Variants in NARS2 observed in about 807,000 individuals in gnomAD.
NARS2 encodes the protein asparaginyl-tRNA synthetase 2, mitochondrial.
Under a neutral mutation model 62.9 loss-of-function variants are expected in NARS2, and 60 were observed. The observed-to-expected ratio is 0.95, with a 90% CI of 0.77 to 1.18. The LOEUF is 1.18. Ranked by LOEUF, NARS2 falls within the 50% of genes most tolerant of loss-of-function variation. NARS2 has a pLI of 0.00. For missense variants in NARS2, 619 were observed against 576.4 expected (o/e 1.07, Z -0.76); for synonymous variants, 196 against 200.0 (o/e 0.98, Z 0.17).
At chr11:78,540,496 C>CAGTTT (rs1855570272) in intron 5 of NARS2, among the ~76,000 whole-genome samples, 1 of 152,088 alleles carries the variant, frequency 6.6e-6, no homozygotes, top group African/African-American at 2.4e-5. Flanking sequence ...CTTATTTGAC[C>CAGTTT]TCTACAATCA....
chr11:78,444,443 C>T (rs149546223), intron 11 of NARS2, among the ~76,000 whole-genome samples: 207 of 152,136 alleles, frequency 1.4e-3, no homozygotes, highest in Non-Finnish European at 2.3e-3. Context: ...TGGCTGGGCA[C>T]AGTAGCTCAC....
intron 6 of NARS2, among the ~76,000 whole-genome samples, chr11:78,523,956 G>C (rs1861214655): frequency 6.6e-6 from 1 of 152,056 alleles, no homozygotes; most frequent in South Asian, 2.1e-4. Flanking sequence ...AAAACCCACT[G>C]AATTGCACAC....
chr11:78,525,073 G>A (rs934410766), intron 6 of NARS2, among the ~76,000 whole-genome samples: 1 of 152,078 alleles, frequency 6.6e-6, no homozygotes, highest in Non-Finnish European at 1.5e-5. Context: ...TTCCAACTAC[G>A]TGACATTCTG....
At chr11:78,498,944 A>G (rs1293122663) in intron 6 of NARS2, among the ~76,000 whole-genome samples, 1 of 37,560 alleles carries the variant, frequency 2.7e-5, no homozygotes, top group Non-Finnish European at 5.9e-5. Flanking sequence ...TGTCACCCAG[A>G]CTGGATGACA....
At chr11:78,447,834 A>C (rs2135153186) in intron 11 of NARS2, among the ~76,000 whole-genome samples, 1 of 152,286 alleles carries the variant, frequency 6.6e-6, no homozygotes, top group East Asian at 1.9e-4. Context: ...GATGGTTACC[A>C]GAGGCTGGAG....
intron 6 of NARS2, among the ~76,000 whole-genome samples, chr11:78,516,456 A>G (rs1042725166): frequency 2.0e-5 from 3 of 152,256 alleles, no homozygotes; most frequent in Non-Finnish European, 4.4e-5. Context: ...TGACGTAGAC[A>G]AGGCAAAATT....
At chr11:78,456,921 T>C (rs773478709) in intron 11 of NARS2, among the ~76,000 whole-genome samples, 1 of 152,240 alleles carries the variant, frequency 6.6e-6, no homozygotes, top group Non-Finnish European at 1.5e-5. Flanking sequence ...ATATGCTCAG[T>C]AATTTATAAG....
rs189976789 is a variant in NARS2 at position 78,443,919 on chromosome 11, T to C, written c.1165-161A>G. ...TTATAAGTGGACAATTTCCTCTCTC[T>C]TGCACCATTTGTGTAGTATACTGAA... On this transcript the variant is annotated intron_variant, in intron 11 of 13. Coordinates refer to ENST00000281038, the MANE Select transcript of NARS2 (RefSeq NM_024678.6). 102 of 562,150 alleles carry C rather than the reference T, an allele frequency of 1.8e-4. 1 individual carries two copies. The Admixed American group carries it at 2.9e-3, about 16-fold the overall frequency. 34.8% of individuals were successfully genotyped at this position (562,150 alleles called of 1,614,324 possible). A position where few individuals can be genotyped will look rare whatever the true frequency, so the allele number is the denominator to read the frequency against.
chr11:78,564,731 T>C (rs530863901), intron 4 of NARS2, among the ~76,000 whole-genome samples: 4 of 152,362 alleles, frequency 2.6e-5, no homozygotes, highest in African/African-American at 9.6e-5. Flanking sequence ...AAAATCCACA[T>C]GGAAGCTGCA....
At chr11:78,492,981 C>T in intron 7 of NARS2, 82 bp downstream of exon 7, 1 of 1,249,814 alleles carries the variant, frequency 8.0e-7, no homozygotes, top group South Asian at 1.4e-5. Context: ...ATACCTGTAA[C>T]ACATAAACGT....
intron 6 of NARS2, among the ~76,000 whole-genome samples, chr11:78,499,808 G>A (rs1245253734): frequency 6.6e-6 from 1 of 152,184 alleles, no homozygotes; most frequent in Non-Finnish European, 1.5e-5. Context: ...ACTGGATATG[G>A]GGGCTTAGAA....
chr11:78,452,083 A>AT (rs1857989632), intron 11 of NARS2, among the ~76,000 whole-genome samples: 1 of 152,054 alleles, frequency 6.6e-6, no homozygotes, highest in African/African-American at 2.4e-5. Context: ...AGTTTCAACT[A>AT]TGATTCTTTT....
intron 11 of NARS2, among the ~76,000 whole-genome samples, chr11:78,455,721 C>A (rs999927624): frequency 1.8e-4 from 28 of 152,154 alleles, no homozygotes; most frequent in African/African-American, 5.8e-4. Flanking sequence ...CCAGAAAGAT[C>A]AGGATTCTAA....
chr11:78,510,380 A>T (rs1476602660), intron 6 of NARS2, among the ~76,000 whole-genome samples: 1 of 152,244 alleles, frequency 6.6e-6, no homozygotes, highest in African/African-American at 2.4e-5. Flanking sequence ...TACAAGAAAC[A>T]ATGAAAGACA....
At chr11:78,516,561 C>T (rs1202948755) in intron 6 of NARS2, among the ~76,000 whole-genome samples, 3 of 152,124 alleles carry the variant, frequency 2.0e-5, no homozygotes, top group Non-Finnish European at 2.9e-5. Flanking sequence ...TATAGGGTCA[C>T]GAAGGTTGAA....
chr11:78,497,323 T>C (rs939334819), intron 6 of NARS2, among the ~76,000 whole-genome samples: 1 of 145,146 alleles, frequency 6.9e-6, no homozygotes, highest in Non-Finnish European at 1.5e-5. Flanking sequence ...AGATGGCAAA[T>C]AGATTAATAT....
At chr11:78,572,579 A>G (rs1255558906) in intron 1 of NARS2, among the ~76,000 whole-genome samples, 1 of 152,232 alleles carries the variant, frequency 6.6e-6, no homozygotes, top group African/African-American at 2.4e-5. Context: ...CATGCAAGAT[A>G]TCTTCCTTAA....
At position 78,459,559 on chromosome 11, in the gene NARS2, C is replaced by T. The variant is rs373836228; in HGVS notation, c.1164+6317G>A. 3.2e-4 allele frequency among the ~76,000 whole-genome samples: 48 copies of T among 152,198 alleles called. No individual in the cohort carries two copies. The East Asian group carries it at 3.7e-3, about 12-fold the overall frequency. On this transcript the variant is annotated intron_variant, in intron 11 of 13. Coordinates refer to ENST00000281038, the MANE Select transcript of NARS2 (RefSeq NM_024678.6). ...TGCTGGGATTACAGGAGTGAGCCAC[C>T]GCGCCCAGCCGATCTGATGGTTTTA...
At chr11:78,497,025 C>T (rs1242232702) in intron 6 of NARS2, among the ~76,000 whole-genome samples, 1 of 151,504 alleles carries the variant, frequency 6.6e-6, no homozygotes, top group Non-Finnish European at 1.5e-5. Context: ...GATACAAAAC[C>T]AGGTGAAAGG....
Sources: allele counts gnomAD v4.1 joint callset (sites outside exome capture counted in the v4.1 genomes callset), GRCh38; gene constraint gnomAD v4.1.1; transcripts MANE v1.5; gene names NCBI Gene and HGNC (gene_info 2026-07-23, HGNC 2026-07-21).